The following SOX6 variants were observed in gnomAD, a reference collection of about 807,000 sequenced individuals.
The protein encoded by SOX6 is transcription factor SOX-6.
A neutral mutation model predicts 97.8 loss-of-function variants in SOX6; 11 were observed. The ratio of observed to expected loss-of-function variants is 0.11; its 90% CI spans 0.07 to 0.19. The LOEUF is 0.19. Ranked by LOEUF, SOX6 falls within the 10% of genes least tolerant of loss-of-function variation. The pLI is 1.00. For missense variants in SOX6, 810 were observed against 1,039.5 expected, an observed-to-expected ratio of 0.78 and a Z score of 3.04; for synonymous variants, 360 against 371.4, an observed-to-expected ratio of 0.97 and a Z score of 0.35.
intron 4 of SOX6, among the ~76,000 whole-genome samples, chr11:16,522,595 A>ACAT (rs1236150806): frequency 6.6e-6 from 1 of 152,196 alleles, no homozygotes; most frequent in Non-Finnish European, 1.5e-5. Context: ...TAACCAGCTA[A>ACAT]CATCATAATG....
intron 4 of SOX6, among the ~76,000 whole-genome samples, chr11:16,498,897 C>G (rs1860655106): frequency 1.3e-5 from 2 of 152,162 alleles, no homozygotes; most frequent in South Asian, 2.1e-4. Flanking sequence ...TTAGACAGAT[C>G]AACGAGACAG....
At chr11:16,355,331 A>G (rs1857044950) in intron 1 of SOX6, among the ~76,000 whole-genome samples, 1 of 152,092 alleles carries the variant, frequency 6.6e-6, no homozygotes, top group Non-Finnish European at 1.5e-5. Context: ...TGTGTTACTC[A>G]GAAAAATTCA....
chr11:16,547,591 G>A (rs1847636249), intron 4 of SOX6, among the ~76,000 whole-genome samples: 1 of 152,004 alleles, frequency 6.6e-6, no homozygotes, highest in Admixed American at 6.6e-5. Context: ...AGCTAAAAGA[G>A]GTTAATCATG....
intron 3 of SOX6, among the ~76,000 whole-genome samples, chr11:16,292,057 T>C (rs1854933561): frequency 6.6e-6 from 1 of 152,140 alleles, no homozygotes; most frequent in Non-Finnish European, 1.5e-5. Context: ...GTGAGAAATC[T>C]ATACTACTTA....
Position 16,291,093 on chromosome 11 carries a change from T to C in SOX6, c.445+27353A>G, listed in dbSNP as rs1270101631. On this transcript the variant is annotated intron_variant, in intron 3 of 15. Coordinates refer to ENST00000683767, the MANE Select transcript of SOX6 (RefSeq NM_001367873.1). ...GGCCACCAATAAAAATATGAATATT[T>C]CTATAAATAGAATGTTCATATTTAG... Among the ~76,000 whole-genome samples the C allele has an allele frequency of 5.7e-4, 86 of 152,062 alleles. 1 individual carries two copies. Among genetic ancestry groups the C allele is most frequent in the Admixed American group, 5.5e-3 (84 of 15,216 alleles).
intron 3 of SOX6, among the ~76,000 whole-genome samples, chr11:16,274,187 C>A (rs1854331694): frequency 6.6e-6 from 1 of 152,070 alleles, no homozygotes; most frequent in South Asian, 2.1e-4. Context: ...TAAGGGAAAT[C>A]TTTTAGCAAA....
intron 3 of SOX6, among the ~76,000 whole-genome samples, chr11:16,248,038 G>A (rs1160314301): frequency 6.6e-6 from 1 of 152,090 alleles, no homozygotes; most frequent in South Asian, 2.1e-4. Flanking sequence ...CAAAACAAAG[G>A]GGTTACAGGC....
At chr11:16,511,512 T>TTGTTTA (rs1194985955) in intron 4 of SOX6, among the ~76,000 whole-genome samples, 12 of 152,138 alleles carry the variant, frequency 7.9e-5, no homozygotes, top group African/African-American at 2.7e-4. Context: ...TGTTTTGTTT[T>TTGTTTA]TGTTTTTGTT....
At position 16,302,591 on chromosome 11, in the gene SOX6, G is replaced by A. The variant is rs1482411176; in HGVS notation, c.445+15855C>T. ...CTTTTTTTTTTTTTTTTTTTTTTGA[G>A]AGGCAGTCTCGCTCTGTCACCCAGG... On this transcript the variant is annotated intron_variant, in intron 3 of 15. Coordinates refer to ENST00000683767, the MANE Select transcript of SOX6 (RefSeq NM_001367873.1). Among the ~76,000 whole-genome samples, 4 of 64,674 alleles carry A rather than the reference G, an allele frequency of 6.2e-5. No individual in the cohort carries two copies. In the South Asian group the frequency reaches 2.0e-3, roughly 33 times the overall value. 42.4% of individuals were successfully genotyped at this position (64,674 alleles called of 152,430 possible).
intron 1 of SOX6, among the ~76,000 whole-genome samples, chr11:16,343,202 G>C (rs1856685457): frequency 6.6e-6 from 1 of 151,814 alleles, no homozygotes; most frequent in African/African-American, 2.4e-5. Context: ...AGTTTATCAA[G>C]AGCTTGCCAC....
chr11:16,245,166 A>G (rs901157715), intron 3 of SOX6, among the ~76,000 whole-genome samples: 3 of 151,628 alleles, frequency 2.0e-5, no homozygotes, highest in Non-Finnish European at 4.4e-5. Flanking sequence ...ATACTTTACA[A>G]TTTTCCTTGT....
At chr11:16,686,418 C>T (rs1055417185) in intron 3 of SOX6, among the ~76,000 whole-genome samples, 3 of 152,164 alleles carry the variant, frequency 2.0e-5, no homozygotes, top group Non-Finnish European at 4.4e-5. Context: ...TTTCTTCTGC[C>T]AGATACCCCT....
At chr11:16,563,370 G>A (rs1847836660) in intron 4 of SOX6, among the ~76,000 whole-genome samples, 1 of 152,146 alleles carries the variant, frequency 6.6e-6, no homozygotes, top group South Asian at 2.1e-4. Flanking sequence ...ACTTAAGCCT[G>A]GGAGTTTTAT....
intron 1 of SOX6, among the ~76,000 whole-genome samples, chr11:16,374,309 G>T (rs1241978580): frequency 1.3e-5 from 2 of 151,930 alleles, no homozygotes; most frequent in Non-Finnish European, 2.9e-5. Flanking sequence ...ATCTTTTTTA[G>T]CTCATTAGAA....
chr11:16,235,164 C>G (rs1352162148), intron 3 of SOX6, among the ~76,000 whole-genome samples: 2 of 151,852 alleles, frequency 1.3e-5, no homozygotes, highest in African/African-American at 4.8e-5. Flanking sequence ...TATAAAATAT[C>G]CAATTAAAGC....
At chr11:16,304,474 T>C (rs886150686) in intron 3 of SOX6, among the ~76,000 whole-genome samples, 1 of 152,152 alleles carries the variant, frequency 6.6e-6, no homozygotes, top group Non-Finnish European at 1.5e-5. Context: ...AAAGAGCCCT[T>C]ACCAGACACC....
At chr11:16,443,911 G>A (rs1859560081) in intron 1 of SOX6, among the ~76,000 whole-genome samples, 1 of 151,546 alleles carries the variant, frequency 6.6e-6, no homozygotes, top group South Asian at 2.1e-4. Context: ...TACTCAGGAG[G>A]CTGAGGCAGG....
intron 13 of SOX6, among the ~76,000 whole-genome samples, chr11:16,011,633 A>G (rs1387155596): frequency 6.6e-6 from 1 of 151,956 alleles, no homozygotes; most frequent in African/African-American, 2.4e-5. Flanking sequence ...ACTAAGTGAT[A>G]TTGTCATTTT....
chr11:16,250,345 G>A (rs556505500), intron 3 of SOX6, among the ~76,000 whole-genome samples: 1 of 152,112 alleles, frequency 6.6e-6, no homozygotes, highest in African/African-American at 2.4e-5. Flanking sequence ...TTAACAGAAT[G>A]AAAATAGGAA....
Sources: gnomAD v4.1 joint callset for allele counts (sites outside exome capture counted in the v4.1 genomes callset) on GRCh38, gnomAD v4.1.1 for gene constraint, MANE v1.5 for transcripts, NCBI Gene and HGNC (gene_info 2026-07-23, HGNC 2026-07-21) for gene names.